Variants in FOXJ3 observed in about 807,000 individuals in gnomAD.
The protein encoded by FOXJ3 is forkhead box J3, also known as forkhead box protein J3.
FOXJ3 carries 22 observed loss-of-function variants against 76.1 expected under a neutral mutation model. That is an observed-to-expected ratio of 0.29 (90% CI 0.21 to 0.41). The LOEUF is 0.41. Among genes scored for constraint, FOXJ3 ranks in the 10% least tolerant of loss-of-function variants. The pLI, the probability that FOXJ3 is intolerant of heterozygous loss-of-function variation, is 1.00. For missense variants in FOXJ3, 613 were observed against 762.1 expected, an observed-to-expected ratio of 0.80 and a Z score of 2.30; for synonymous variants, 269 against 261.2, an observed-to-expected ratio of 1.03 and a Z score of -0.29.
chr1:42,187,873 T>G (rs1167870175), intron 11 of FOXJ3, among the ~76,000 whole-genome samples: 1 of 152,140 alleles, frequency 6.6e-6, no homozygotes, highest in Non-Finnish European at 1.5e-5. Flanking sequence ...GGAAAAGCTA[T>G]TCAACGTGGA....
chr1:42,292,338 T>C (rs1166069338), intron 2 of FOXJ3, among the ~76,000 whole-genome samples: 1 of 152,206 alleles, frequency 6.6e-6, no homozygotes, highest in Non-Finnish European at 1.5e-5. Context: ...GCTTGGCAGT[T>C]TCTTAAACAT....
chr1:42,186,966 A>G (rs931042451), intron 11 of FOXJ3, among the ~76,000 whole-genome samples: 5 of 151,558 alleles, frequency 3.3e-5, no homozygotes, highest in Admixed American at 6.6e-5. Context: ...CCCTGCCTCA[A>G]CCTCCCGGGT....
intron 1 of FOXJ3, among the ~76,000 whole-genome samples, chr1:42,315,813 C>G (rs1655073931): frequency 6.6e-6 from 1 of 152,170 alleles, no homozygotes; most frequent in Non-Finnish European, 1.5e-5. Context: ...TCAGTTACAT[C>G]CATAATTTAT....
At chr1:42,271,201 T>C (rs1254026404) in intron 3 of FOXJ3, among the ~76,000 whole-genome samples, 1 of 152,178 alleles carries the variant, frequency 6.6e-6, no homozygotes, top group Non-Finnish European at 1.5e-5. Context: ...ACCAAAAGTT[T>C]CTTCAATTTG....
intron 11 of FOXJ3, among the ~76,000 whole-genome samples, chr1:42,187,261 T>C (rs1646457044): frequency 6.6e-6 from 1 of 152,238 alleles, no homozygotes; most frequent in Non-Finnish European, 1.5e-5. Context: ...TAGTGATATA[T>C]ACATAAGCTA....
chr1:42,273,168 G>C (rs1570121580), intron 3 of FOXJ3, among the ~76,000 whole-genome samples: 1 of 152,096 alleles, frequency 6.6e-6, no homozygotes, highest in African/African-American at 2.4e-5. Flanking sequence ...TGGCCAATTA[G>C]TCAACTATTT....
chr1:42,311,617 T>G (rs1654812988), intron 1 of FOXJ3, among the ~76,000 whole-genome samples: 2 of 137,932 alleles, frequency 1.4e-5, no homozygotes. Context: ...AGATTTCATC[T>G]AAGAAACAAA....
In FOXJ3 at chr1:42,315,528, C is replaced by T. The variant is rs1275948784; in HGVS notation, c.-17-4418G>A. 6 of 327,224 alleles carry T rather than the reference C, an allele frequency of 1.8e-5. 1 individual carries two copies. The highest frequency in any genetic ancestry group is 1.6e-3 in the Middle Eastern group (1 of 638). 20.3% of individuals were successfully genotyped at this position (327,224 alleles called of 1,614,324 possible). ...CTATCAAATTCTAACTTCTAGTTATCTTTCCAATCTGCTCTAGCTTCAATG... is the reference window on the plus strand; with the variant it reads ...CTATCAAATTCTAACTTCTAGTTATTTTTCCAATCTGCTCTAGCTTCAATG... On this transcript the variant is annotated intron_variant, in intron 1 of 12. Coordinates refer to ENST00000361346, the MANE Select transcript of FOXJ3 (RefSeq NM_014947.5).
chr1:42,308,422 CG>C (rs909025708), intron 2 of FOXJ3, among the ~76,000 whole-genome samples: 3 of 152,110 alleles, frequency 2.0e-5, no homozygotes, highest in African/African-American at 7.2e-5. Context: ...TTCCCTTCTT[CG>C]TCTCAAAACA....
chr1:42,186,972 C>T (rs1646449832), intron 11 of FOXJ3, among the ~76,000 whole-genome samples: 1 of 152,118 alleles, frequency 6.6e-6, no homozygotes, highest in Non-Finnish European at 1.5e-5. Flanking sequence ...CTCAACCTCC[C>T]GGGTGGCTGG....
At chr1:42,278,707 G>T in intron 2 of FOXJ3, 35 bp from the exon 3 acceptor site, 1 of 1,428,340 alleles carries the variant, frequency 7.0e-7, no homozygotes, top group Non-Finnish European at 9.7e-7. Flanking sequence ...CAATATCAAG[G>T]AAAGAACCCC....
chr1:42,220,620 C>T (rs753373976), intron 5 of FOXJ3, among the ~76,000 whole-genome samples: 18 of 152,160 alleles, frequency 1.2e-4, no homozygotes, highest in Non-Finnish European at 2.2e-4. Flanking sequence ...CCCCTAGAAG[C>T]ATCACTCAAT....
intron 2 of FOXJ3, among the ~76,000 whole-genome samples, chr1:42,300,034 C>T (rs975167816): frequency 1.3e-5 from 2 of 151,346 alleles, no homozygotes; most frequent in African/African-American, 4.9e-5. Flanking sequence ...AATTCTGTCT[C>T]TACTAAAAAT....
intron 7 of FOXJ3, 112 bp downstream of exon 7, chr1:42,198,990 T>C: frequency 1.2e-6 from 1 of 806,434 alleles, no homozygotes; most frequent in Non-Finnish European, 2.0e-6. Context: ...TTAATAAATT[T>C]ATTAGTGAGA....
intron 4 of FOXJ3, among the ~76,000 whole-genome samples, chr1:42,255,663 T>C (rs559043400): frequency 6.6e-6 from 1 of 152,326 alleles, no homozygotes; most frequent in African/African-American, 2.4e-5. Context: ...ACCATGATGT[T>C]GCATAAGAAA....
At chr1:42,194,307 T>C (rs1298714385) in intron 8 of FOXJ3, among the ~76,000 whole-genome samples, 5 of 152,220 alleles carry the variant, frequency 3.3e-5, no homozygotes, top group Non-Finnish European at 7.3e-5. Context: ...GAACACATTA[T>C]AGCAAGAATC....
intron 7 of FOXJ3, 82 bp from the exon 8 acceptor site, chr1:42,195,146 CAGTGTCAACATTGGAATTCAA>C: frequency 9.9e-7 from 1 of 1,013,204 alleles, no homozygotes. Flanking sequence ...TAACTGAAAA[CAGTGTCAACATTGGAATTCAA>C]AGAAAATAAC....
At chr1:42,231,339 A>C (rs1402722733) in intron 4 of FOXJ3, among the ~76,000 whole-genome samples, 1 of 152,090 alleles carries the variant, frequency 6.6e-6, no homozygotes, top group Non-Finnish European at 1.5e-5. Context: ...AAAAGAAACC[A>C]AACAAACAAA....
At chr1:42,296,632 T>C (rs1341808728) in intron 2 of FOXJ3, among the ~76,000 whole-genome samples, 1 of 152,246 alleles carries the variant, frequency 6.6e-6, no homozygotes, top group Non-Finnish European at 1.5e-5. Context: ...TGTGGCTTTA[T>C]TTCTAGGCTC....
Sources: allele counts gnomAD v4.1 joint callset (sites outside exome capture counted in the v4.1 genomes callset), GRCh38; gene constraint gnomAD v4.1.1; transcripts MANE v1.5; gene names NCBI Gene and HGNC (gene_info 2026-07-23, HGNC 2026-07-21).